The following EPM2A variants were observed in gnomAD, a reference collection of about 807,000 sequenced individuals.
The protein encoded by EPM2A is laforin.
In EPM2A, 21 loss-of-function variants were observed where a neutral mutation model predicts 26.5. That is an observed-to-expected ratio of 0.79 (90% CI 0.56 to 1.14). The LOEUF (loss-of-function observed/expected upper bound fraction) is 1.14, where lower values mean the gene tolerates loss of function less well. EPM2A is among the 50% of genes most tolerant of loss of function. The probability of loss-of-function intolerance (pLI) is 0.00; values close to 1 mark genes in which losing one functional copy is unlikely to be tolerated. For synonymous variants in EPM2A, 217 were observed against 177.6 expected (o/e 1.22, Z -1.76); for missense variants, 458 against 440.8 (o/e 1.04, Z -0.35).
At chr6:145,616,556 G>C (rs1053505222) in intron 2 of EPM2A, among the ~76,000 whole-genome samples, 7 of 152,218 alleles carry the variant, frequency 4.6e-5, no homozygotes, top group African/African-American at 1.7e-4. Context: ...ACCCCAGAAT[G>C]GTAGATCCAC....
At chr6:145,565,733 A>G (rs1238537991) in intron 2 of EPM2A, among the ~76,000 whole-genome samples, 1 of 152,198 alleles carries the variant, frequency 6.6e-6, no homozygotes, top group Non-Finnish European at 1.5e-5. Context: ...AAAGGTGGGT[A>G]TCAACCTGCC....
At chr6:145,670,062 G>A (rs894678505) in intron 2 of EPM2A, among the ~76,000 whole-genome samples, 3 of 151,956 alleles carry the variant, frequency 2.0e-5, no homozygotes, top group Admixed American at 6.6e-5. Flanking sequence ...CTCCTGGTTC[G>A]GTTCACTCTT....
chr6:145,657,105 T>A (rs57472392), intron 2 of EPM2A, among the ~76,000 whole-genome samples: 9,645 of 149,892 alleles, frequency 0.064, 1,015 homozygotes, highest in African/African-American at 0.22. Context: ...TTTTTTTTTT[T>A]TTGAGATGGA....
At chr6:145,401,756 G>C (rs1242703751) in intron 4 of EPM2A, among the ~76,000 whole-genome samples, 1 of 152,130 alleles carries the variant, frequency 6.6e-6, no homozygotes, top group Non-Finnish European at 1.5e-5. Flanking sequence ...TTTTGTGACA[G>C]AAGGTAAGGC....
intron 1 of EPM2A, among the ~76,000 whole-genome samples, chr6:145,695,091 T>G (rs1011063867): frequency 6.6e-6 from 1 of 152,000 alleles, no homozygotes; most frequent in African/African-American, 2.4e-5. Flanking sequence ...TAAAAACAAC[T>G]GTGGCTTTGA....
At chr6:145,524,378 T>G (rs117932273) in intron 2 of EPM2A, among the ~76,000 whole-genome samples, 1 of 152,214 alleles carries the variant, frequency 6.6e-6, no homozygotes, top group Admixed American at 6.5e-5. Context: ...CCACAATGGC[T>G]GAACGAATTT....
chr6:145,470,729 C>T (rs1360936082), intron 4 of EPM2A, among the ~76,000 whole-genome samples: 3 of 152,144 alleles, frequency 2.0e-5, no homozygotes, highest in African/African-American at 4.8e-5. Flanking sequence ...TTGGAAGATA[C>T]ACTTTATGCA....
At chr6:145,664,599 A>G (rs1403929200) in intron 2 of EPM2A, among the ~76,000 whole-genome samples, 2 of 151,454 alleles carry the variant, frequency 1.3e-5, no homozygotes, top group Non-Finnish European at 2.9e-5. Context: ...TATTAGACAG[A>G]TCAACGAGAC....
chr6:145,456,328 C>T (rs191039543), intron 4 of EPM2A, among the ~76,000 whole-genome samples: 1 of 152,134 alleles, frequency 6.6e-6, no homozygotes, highest in African/African-American at 2.4e-5. Flanking sequence ...TTAGTAGGTG[C>T]CAAATAAAAT....
intron 4 of EPM2A, among the ~76,000 whole-genome samples, chr6:145,452,489 CAAAAAAAAAAAAAA>C (rs563777945): frequency 6.6e-5 from 5 of 75,862 alleles, no homozygotes; most frequent in South Asian, 5.4e-4. Context: ...ACTAAAAATA[CAAAAAAAAAAAAAA>C]AAAAAAAAAA....
intron 2 of EPM2A, among the ~76,000 whole-genome samples, chr6:145,668,755 T>C (rs1275864769): frequency 6.6e-6 from 1 of 152,278 alleles, no homozygotes; most frequent in East Asian, 1.9e-4. Context: ...TTTTCCCTCA[T>C]AGTCAGAAGT....
intron 4 of EPM2A, among the ~76,000 whole-genome samples, chr6:145,445,735 A>C (rs899126503): frequency 5.9e-5 from 9 of 152,212 alleles, no homozygotes; most frequent in African/African-American, 1.9e-4. Context: ...TTTCACTGAC[A>C]TCATTATAAT....
At chr6:145,450,200 A>G (rs1317331237) in intron 4 of EPM2A, among the ~76,000 whole-genome samples, 2 of 151,644 alleles carry the variant, frequency 1.3e-5, no homozygotes, top group Admixed American at 1.3e-4. Flanking sequence ...AAAAATACAA[A>G]AAATTAGCTG....
At chr6:145,480,105 T>G (rs1433561579) in intron 4 of EPM2A, among the ~76,000 whole-genome samples, 1 of 152,038 alleles carries the variant, frequency 6.6e-6, no homozygotes, top group Non-Finnish European at 1.5e-5. Context: ...TTAATTGGGT[T>G]GTCTGTCTCT....
At chr6:145,565,373 C>T (rs922210242) in intron 2 of EPM2A, among the ~76,000 whole-genome samples, 5 of 152,178 alleles carry the variant, frequency 3.3e-5, no homozygotes, top group African/African-American at 1.2e-4. Flanking sequence ...GCAGCTGTAT[C>T]TTCACCTATG....
chr6:145,391,653 A>G (rs960713578), intron 4 of EPM2A, among the ~76,000 whole-genome samples: 8 of 152,150 alleles, frequency 5.3e-5, no homozygotes, highest in Non-Finnish European at 1.2e-4. Flanking sequence ...GTCAGCTGGA[A>G]GTTCCCATAC....
chr6:145,709,588 A>G (rs1259897530), intron 1 of EPM2A, among the ~76,000 whole-genome samples: 1 of 152,224 alleles, frequency 6.6e-6, no homozygotes, highest in Non-Finnish European at 1.5e-5. Context: ...TCTTTTCTTT[A>G]TAAATTACCC....
At position 145,627,029 on chromosome 6, in the gene EPM2A, A is replaced by C. The variant is rs540537855; in HGVS notation, c.*387T>G. The C allele has an allele frequency of 8.8e-7, 1 of 1,142,266 alleles. No individual in the cohort carries two copies. Among genetic ancestry groups the C allele is most frequent in the Admixed American group, 4.5e-5 (1 of 22,146 alleles). 70.8% of individuals were successfully genotyped at this position (1,142,266 alleles called of 1,614,324 possible). ...AGTGATGAAATCCACATAACTCCAT[A>C]TCTTTTCCTCTACATGGCCAAGAGT... is the stretch of plus-strand genomic sequence containing the variant. On this transcript the variant is annotated 3_prime_UTR_variant, in exon 4 of 4. Coordinates refer to ENST00000367519, the MANE Select transcript of EPM2A (RefSeq NM_005670.4).
intron 2 of EPM2A, among the ~76,000 whole-genome samples, chr6:145,664,606 A>C (rs907892214): frequency 2.0e-5 from 3 of 151,650 alleles, no homozygotes; most frequent in Non-Finnish European, 2.9e-5. Context: ...CAGATCAACG[A>C]GACAGAAAGT....
Sources: gnomAD v4.1 joint callset for allele counts (sites outside exome capture counted in the v4.1 genomes callset) on GRCh38, gnomAD v4.1.1 for gene constraint, MANE v1.5 for transcripts, NCBI Gene and HGNC (gene_info 2026-07-23, HGNC 2026-07-21) for gene names.